The following TMEM51 variants were observed in gnomAD, a reference collection of about 807,000 sequenced individuals.
TMEM51 encodes chromosome 1 open reading frame 72.
A neutral mutation model predicts 13.6 loss-of-function variants in TMEM51; 8 were observed. That is an observed-to-expected ratio of 0.59 (90% CI 0.35 to 1.07). TMEM51 has a LOEUF of 1.07. Ranked by LOEUF, TMEM51 falls within the 50% of genes least tolerant of loss-of-function variation. TMEM51 has a pLI of 0.02. For missense variants in TMEM51, 279 were observed against 330.7 expected (o/e 0.84, Z 1.21); for synonymous variants, 147 against 144.4 (o/e 1.02, Z -0.13).
rs148895574 is a variant in TMEM51 at position 15,199,419 on chromosome 1, G to A, written c.-266-11071G>A. On this transcript the variant is annotated intron_variant, in intron 1 of 3. Transcript: ENST00000376008. Reference sequence around the variant, plus strand: ...CAAAGTGCTGGGATTACAGGCATGAGCCACCACACCCGGTCAGTTCACAGA... The same window carrying A: ...CAAAGTGCTGGGATTACAGGCATGAACCACCACACCCGGTCAGTTCACAGA... Among the ~76,000 whole-genome samples, 11 of 152,278 alleles carry A rather than the reference G, an allele frequency of 7.2e-5. No individual in the cohort carries two copies. In the East Asian group the frequency reaches 2.1e-3, roughly 29 times the overall value.
In TMEM51 at chr1:15,219,507, AG is replaced by A; in HGVS notation, c.529del (p.Ala177LeufsTer22). ...GLDETTPTST[R>X]ADVEASPGNP... Reference sequence around the variant, plus strand: ...CGACGAGACCACCCCCACATCCACCAGGGCTGACGTGGAGGCCAGCCCTGGG... The same window carrying A: ...CGACGAGACCACCCCCACATCCACCAGGCTGACGTGGAGGCCAGCCCTGGG... On this transcript the variant is annotated frameshift_variant, in exon 4 of 4. Transcript: ENST00000376008. LOFTEE classifies it high-confidence loss of function. 1 of 1,614,046 alleles carries A rather than the reference AG, an allele frequency of 6.2e-7. No individual in the cohort carries two copies. Among genetic ancestry groups the A allele is most frequent in the Non-Finnish European group, 8.5e-7 (1 of 1,180,016 alleles).
At chr1:15,162,775 G>A (rs77498428) in intron 1 of TMEM51, among the ~76,000 whole-genome samples, 11,030 of 152,116 alleles carry the variant, frequency 0.073, 567 homozygotes, top group Middle Eastern at 0.1. Context: ...CAAAAAGACA[G>A]ATACTATATG....
At chr1:15,196,393 CATGT>C (rs1644049459) in intron 1 of TMEM51, among the ~76,000 whole-genome samples, 1 of 36,720 alleles carries the variant, frequency 2.7e-5, no homozygotes, top group Non-Finnish European at 5.2e-5. Flanking sequence ...TGTGTGTGTG[CATGT>C]GTGTGTGTGT....
chr1:15,210,395 A>G (rs1017367049), intron 1 of TMEM51, 95 bp from the exon 2 acceptor site: 6 of 152,088 alleles, frequency 3.9e-5, no homozygotes, highest in African/African-American at 1.4e-4. Context: ...TTTCCCCCTA[A>G]AAAACAAAGA....
intron 1 of TMEM51, among the ~76,000 whole-genome samples, chr1:15,194,917 CTTTTTT>C (rs34885407): frequency 0.011 from 1,019 of 93,458 alleles, 14 homozygotes; most frequent in African/African-American, 0.038. Flanking sequence ...TATAATTTTA[CTTTTTT>C]TTTTTTTTTT....
At position 15,157,454 on chromosome 1, in the gene TMEM51, G is replaced by T. The variant is rs1013513218; in HGVS notation, c.-267+3500G>T. On this transcript the variant is annotated intron_variant, in intron 1 of 3. Transcript: ENST00000376008. ...GGAGACCAAGACCCAGGGAAGAGGA[G>T]ATTTGCCTGAGATCACAGCCAGGAC... is the stretch of plus-strand genomic sequence containing the variant. Among the ~76,000 whole-genome samples, 3 of 152,168 alleles carry T rather than the reference G, an allele frequency of 2.0e-5. No individual in the cohort carries two copies. The East Asian group carries it at 5.8e-4, about 29-fold the overall frequency.
At chr1:15,196,972 G>C (rs564154007) in intron 1 of TMEM51, among the ~76,000 whole-genome samples, 1 of 152,122 alleles carries the variant, frequency 6.6e-6, no homozygotes, top group Non-Finnish European at 1.5e-5. Context: ...AGCCCTCCAG[G>C]GTTCTTCAGA....
chr1:15,152,988 C>G (rs1302911772), upstream of TMEM51, among the ~76,000 whole-genome samples: 1 of 152,240 alleles, frequency 6.6e-6, no homozygotes, highest in East Asian at 1.9e-4. Flanking sequence ...CGGTGCAGCG[C>G]GCCCCCATCC....
At position 15,220,160 on chromosome 1, in the gene TMEM51, C is replaced by T. The variant is rs763847110; in HGVS notation, c.*417C>T. 3.6e-5 allele frequency: 7 copies of T among 195,612 alleles called. No individual in the cohort carries two copies. The highest frequency in any genetic ancestry group is 5.3e-5 in the Admixed American group (1 of 18,904). 12.1% of individuals were successfully genotyped at this position (195,612 alleles called of 1,614,324 possible). ...AGGAAACAAGTTTTGTGTTTGCTGT[C>T]TACGCTGGAGTCCTGAACTGTGGGT... On this transcript the variant is annotated 3_prime_UTR_variant, in exon 4 of 4. Coordinates refer to ENST00000376008, the MANE Select transcript of TMEM51 (RefSeq NM_001136218.2).
At chr1:15,209,130 C>T (rs1172149476) in intron 1 of TMEM51, among the ~76,000 whole-genome samples, 3 of 151,940 alleles carry the variant, frequency 2.0e-5, no homozygotes, top group Non-Finnish European at 4.4e-5. Context: ...AGTGCAGTGG[C>T]GTGCTCAAGG....
intron 1 of TMEM51, among the ~76,000 whole-genome samples, chr1:15,164,968 A>T (rs2100821608): frequency 6.6e-6 from 1 of 152,088 alleles, no homozygotes; most frequent in African/African-American, 2.4e-5. Context: ...ACACCCAGCT[A>T]ATTTTTGTAT....
chr1:15,191,956 C>T (rs946864115), intron 1 of TMEM51: 9 of 533,778 alleles, frequency 1.7e-5, no homozygotes, highest in Non-Finnish European at 2.7e-5. Context: ...GATTATGTGT[C>T]GTCTTAGTGA....
At chr1:15,192,470 T>TTTTTTTTTTTTTTTTA (rs3078880) in intron 1 of TMEM51, 45 of 250,798 alleles carry the variant, frequency 1.8e-4, no homozygotes, top group Middle Eastern at 1.5e-3. Flanking sequence ...CCTTTTTTTT[T>TTTTTTTTTTTTTTTTA]ATGACAGAAT....
chr1:15,161,732 C>T lies in TMEM51; in HGVS notation c.-267+7778C>T, dbSNP rs1367202751. Among the ~76,000 whole-genome samples, 1 of 151,746 alleles carries T rather than the reference C, an allele frequency of 6.6e-6. No homozygotes were observed. The highest frequency in any genetic ancestry group is 6.6e-5 in the Admixed American group (1 of 15,234). On this transcript the variant is annotated intron_variant, in intron 1 of 3. Coordinates refer to ENST00000376008, the MANE Select transcript of TMEM51 (RefSeq NM_001136218.2). The surrounding 1 kb of genome is among the most constrained non-coding windows in gnomAD (Gnocchi z 4.0). ...GGCAGGCAGATCACGAGATCGAGAC[C>T]ATCCTGGCCAACATGGTGAAACCCA...
chr1:15,173,189 A>ATCTGGGG (rs1002481722), intron 1 of TMEM51, among the ~76,000 whole-genome samples: 3 of 147,530 alleles, frequency 2.0e-5, no homozygotes, highest in African/African-American at 7.5e-5. Flanking sequence ...CTGCTTAGGA[A>ATCTGGGG]TCTGGGGTTT....
At chr1:15,183,498 C>T (rs1035225419) in intron 1 of TMEM51, among the ~76,000 whole-genome samples, 13 of 152,148 alleles carry the variant, frequency 8.5e-5, no homozygotes, top group Admixed American at 6.5e-4. Context: ...GTATCTATCT[C>T]GCCTATAGGT....
intron 1 of TMEM51, among the ~76,000 whole-genome samples, chr1:15,181,140 G>C (rs1172890805): frequency 6.6e-6 from 1 of 152,172 alleles, no homozygotes; most frequent in African/African-American, 2.4e-5. Flanking sequence ...TCAAGCCTCA[G>C]TTTCTTCATC....
intron 1 of TMEM51, among the ~76,000 whole-genome samples, chr1:15,184,820 C>T (rs931699888): frequency 2.0e-5 from 3 of 146,378 alleles, no homozygotes; most frequent in African/African-American, 7.6e-5. Flanking sequence ...CTTGCCCTCG[C>T]GTGGGACATT....
chr1:15,199,848 T>G (rs887690070), intron 1 of TMEM51, among the ~76,000 whole-genome samples: 1 of 152,176 alleles, frequency 6.6e-6, no homozygotes, highest in Non-Finnish European at 1.5e-5. Flanking sequence ...AGTTCCCTCC[T>G]GTGAGCTGTT....
Sources: gnomAD v4.1 joint callset for allele counts (sites outside exome capture counted in the v4.1 genomes callset) on GRCh38, gnomAD v4.1.1 for gene constraint, Gnocchi (gnomAD v3.1) non-coding constraint, MANE v1.5 for transcripts, NCBI Gene and HGNC (gene_info 2026-07-23, HGNC 2026-07-21) for gene names.